The following PRR5L variants were observed in gnomAD, a reference collection of about 807,000 sequenced individuals.
PRR5L encodes proline rich 5 like, also known as proline-rich protein 5-like.
A neutral mutation model predicts 36.4 loss-of-function variants in PRR5L; 21 were observed. The observed-to-expected ratio is 0.58, with a 90% CI of 0.41 to 0.83. The LOEUF is 0.83. Among genes scored for constraint, PRR5L ranks in the 40% least tolerant of loss-of-function variants. PRR5L has a pLI of 0.00. For synonymous variants in PRR5L, 188 were observed against 197.0 expected, an observed-to-expected ratio of 0.95 and a Z score of 0.38; for missense variants, 381 against 473.3, an observed-to-expected ratio of 0.80 and a Z score of 1.81.
At chr11:36,369,457 C>T (rs570337315) in intron 1 of PRR5L, among the ~76,000 whole-genome samples, 1 of 152,154 alleles carries the variant, frequency 6.6e-6, no homozygotes, top group African/African-American at 2.4e-5. Context: ...CAATCCACTG[C>T]CCCATTCTGC....
At position 36,298,782 on chromosome 11, in the gene PRR5L, G is replaced by T. The variant is rs145183989; in HGVS notation, c.-126+2344G>T. ...GTTAAAAGTCCAAGATCAAGGTGTT[G>T]GAAGGTTTGTTTTCTCCTGAGGTCT... On this transcript the variant is annotated intron_variant, in intron 1 of 8. Coordinates refer to ENST00000530639, the MANE Select transcript of PRR5L (RefSeq NM_001160167.2). 8.1e-4 allele frequency among the ~76,000 whole-genome samples: 123 copies of T among 152,276 alleles called. 1 individual carries two copies. In the East Asian group the frequency reaches 0.011, roughly 14 times the overall value.
chr11:36,421,999 T>TA (rs750064383), intron 4 of PRR5L, among the ~76,000 whole-genome samples: 1 of 152,224 alleles, frequency 6.6e-6, no homozygotes, highest in Non-Finnish European at 1.5e-5. Flanking sequence ...TAGTGTAAAT[T>TA]ATGTTGCTGT....
chr11:36,322,556 C>T (rs1483222946), intron 1 of PRR5L, among the ~76,000 whole-genome samples: 1 of 152,120 alleles, frequency 6.6e-6, no homozygotes, highest in African/African-American at 2.4e-5. Flanking sequence ...ATTTGACAGT[C>T]AAATCATTGT....
intron 8 of PRR5L, 140 bp from the exon 9 acceptor site, chr11:36,462,202 C>T (rs2133641860): frequency 1.3e-6 from 1 of 743,880 alleles, no homozygotes; most frequent in East Asian, 2.9e-5. Flanking sequence ...CAGATTCCTC[C>T]CTTGCATTGT....
intron 4 of PRR5L, among the ~76,000 whole-genome samples, chr11:36,423,892 A>G (rs1858324653): frequency 6.6e-6 from 1 of 152,148 alleles, no homozygotes; most frequent in Admixed American, 6.5e-5. Context: ...AGGGGCGAGA[A>G]TGAGGGGGAG....
At chr11:36,315,608 T>C (rs1317371448) in intron 1 of PRR5L, among the ~76,000 whole-genome samples, 1 of 152,246 alleles carries the variant, frequency 6.6e-6, no homozygotes, top group African/African-American at 2.4e-5. Flanking sequence ...AGAATTAATC[T>C]GAAGTATAAG....
At chr11:36,369,434 T>C (rs1488614879) in intron 1 of PRR5L, among the ~76,000 whole-genome samples, 2 of 152,118 alleles carry the variant, frequency 1.3e-5, no homozygotes, top group African/African-American at 4.8e-5. Context: ...AGTCACCTGA[T>C]ACAGGTCTAG....
intron 1 of PRR5L, among the ~76,000 whole-genome samples, chr11:36,385,178 C>T (rs1156254921): frequency 6.6e-6 from 1 of 152,198 alleles, no homozygotes; most frequent in Admixed American, 6.5e-5. Flanking sequence ...TAATTGCTCA[C>T]TCACATAATG....
intron 6 of PRR5L, among the ~76,000 whole-genome samples, chr11:36,440,138 AGTAT>A (rs768055038): frequency 6.6e-6 from 1 of 152,144 alleles, no homozygotes; most frequent in Non-Finnish European, 1.5e-5. Flanking sequence ...CTCCCTTAAA[AGTAT>A]TTTCTGCTTG....
In PRR5L at chr11:36,461,805, T is replaced by C. The variant is rs138266107; in HGVS notation, c.713-537T>C. Among the ~76,000 whole-genome samples, 571 of 152,244 alleles carry C rather than the reference T, an allele frequency of 3.8e-3. 5 individuals are homozygous for C. Among genetic ancestry groups the C allele is most frequent in the African/African-American group, 0.013 (531 of 41,538 alleles). ...TTCACCTGGCAGGAGATGAGGGCCA[T>C]TGATAGTCGTGGTTCTGTATGATTT... On this transcript the variant is annotated intron_variant, in intron 8 of 8. Transcript: ENST00000530639.
intron 5 of PRR5L, among the ~76,000 whole-genome samples, chr11:36,433,414 C>G (rs999854847): frequency 6.6e-6 from 1 of 152,190 alleles, no homozygotes. Context: ...CATGTTGTAG[C>G]ATGTGACAGG....
At chr11:36,363,827 C>T (rs1282762307) in intron 1 of PRR5L, among the ~76,000 whole-genome samples, 3 of 152,212 alleles carry the variant, frequency 2.0e-5, no homozygotes, top group African/African-American at 7.2e-5. Flanking sequence ...CTGTTAATTT[C>T]CAGTAGGACG....
At chr11:36,372,266 G>A (rs768821439) in intron 1 of PRR5L, among the ~76,000 whole-genome samples, 50 of 152,100 alleles carry the variant, frequency 3.3e-4, no homozygotes, top group Middle Eastern at 6.8e-3. Context: ...GGCTCTGTGC[G>A]GGGTAGAAAT....
chr11:36,351,771 A>T (rs948636381), intron 1 of PRR5L, among the ~76,000 whole-genome samples: 5,194 of 37,236 alleles, frequency 0.14, 181 homozygotes, highest in Middle Eastern at 0.23. Flanking sequence ...ATATATTTAT[A>T]TATATTTATA....
intron 1 of PRR5L, among the ~76,000 whole-genome samples, chr11:36,325,025 G>T (rs1042279790): frequency 6.6e-6 from 1 of 152,174 alleles, no homozygotes; most frequent in Admixed American, 6.5e-5. Flanking sequence ...ATGGTGGGCT[G>T]CTTCCAAAAT....
chr11:36,397,619 G>A (rs910945425), intron 1 of PRR5L, among the ~76,000 whole-genome samples: 2 of 151,452 alleles, frequency 1.3e-5, no homozygotes, highest in African/African-American at 4.9e-5. Context: ...ACCATGCCCG[G>A]CTAATTTTTG....
intron 1 of PRR5L, among the ~76,000 whole-genome samples, chr11:36,310,334 C>T (rs769903372): frequency 1.3e-5 from 2 of 152,164 alleles, no homozygotes; most frequent in Non-Finnish European, 2.9e-5. Context: ...AAACTCACTC[C>T]CCTGATCCTT....
chr11:36,436,313 A>G (rs1480884172), intron 5 of PRR5L, among the ~76,000 whole-genome samples: 2 of 152,208 alleles, frequency 1.3e-5, no homozygotes, highest in Non-Finnish European at 2.9e-5. Flanking sequence ...GACCAATATC[A>G]GCTCTGATAT....
chr11:36,350,648 G>C (rs1047189244), intron 1 of PRR5L, among the ~76,000 whole-genome samples: 13 of 151,666 alleles, frequency 8.6e-5, no homozygotes, highest in African/African-American at 3.1e-4. Context: ...CGCGAGCAGT[G>C]TACACTGTAC....
Sources: gnomAD v4.1 joint callset for allele counts (sites outside exome capture counted in the v4.1 genomes callset) on GRCh38, gnomAD v4.1.1 for gene constraint, MANE v1.5 for transcripts, NCBI Gene and HGNC (gene_info 2026-07-23, HGNC 2026-07-21) for gene names.